Variants in DAB1 observed in about 807,000 individuals in gnomAD.
DAB1 encodes disabled homolog 1.
A neutral mutation model predicts 64.6 loss-of-function variants in DAB1; 15 were observed. The ratio of observed to expected loss-of-function variants is 0.23; its 90% CI spans 0.16 to 0.36. The LOEUF (loss-of-function observed/expected upper bound fraction) is 0.36, where lower values mean the gene tolerates loss of function less well. DAB1 is among the 10% of genes least tolerant of loss of function. DAB1 has a pLI of 1.00. For synonymous variants in DAB1, 235 were observed against 251.9 expected, an observed-to-expected ratio of 0.93 and a Z score of 0.64; for missense variants, 596 against 706.7, an observed-to-expected ratio of 0.84 and a Z score of 1.78.
chr1:57,982,544 C>A (rs1235782217), intron 5 of DAB1, among the ~76,000 whole-genome samples: 1 of 152,118 alleles, frequency 6.6e-6, no homozygotes, highest in Admixed American at 6.5e-5. Context: ...TATTACTTAG[C>A]AAGCCCAATG....
intron 5 of DAB1, among the ~76,000 whole-genome samples, chr1:58,121,084 T>C (rs1195731102): frequency 1.3e-5 from 2 of 152,210 alleles, no homozygotes; most frequent in Admixed American, 6.5e-5. Flanking sequence ...CTCCATTTAT[T>C]TGACTTGACA....
At chr1:58,381,501 A>G (rs1482474614) in intron 3 of DAB1, among the ~76,000 whole-genome samples, 1 of 152,208 alleles carries the variant, frequency 6.6e-6, no homozygotes, top group Admixed American at 6.5e-5. Flanking sequence ...AGTAGCAAGA[A>G]TGAAAGTCAA....
chr1:57,078,763 G>A (rs1652216224), intron 4 of DAB1, among the ~76,000 whole-genome samples: 1 of 152,162 alleles, frequency 6.6e-6, no homozygotes, highest in South Asian at 2.1e-4. Context: ...AACTTCTCTG[G>A]AAGGCTGCTT....
intron 4 of DAB1, among the ~76,000 whole-genome samples, chr1:58,161,138 G>C (rs1403813696): frequency 6.6e-6 from 1 of 152,196 alleles, no homozygotes; most frequent in African/African-American, 2.4e-5. Flanking sequence ...CACACAAGGA[G>C]TCTCAAAGAA....
chr1:57,480,117 ACTCCAGCCT>A (rs1461153452), intron 7 of DAB1, among the ~76,000 whole-genome samples: 1 of 147,456 alleles, frequency 6.8e-6, no homozygotes, highest in South Asian at 2.2e-4. Flanking sequence ...GCGCCACTGC[ACTCCAGCCT>A]GGGCGACAGA....
intron 9 of DAB1, among the ~76,000 whole-genome samples, chr1:57,047,125 T>C (rs923082244): frequency 1.3e-5 from 2 of 152,242 alleles, no homozygotes; most frequent in African/African-American, 4.8e-5. Context: ...TTCTTAGTTA[T>C]GCCTCTTCTA....
intron 5 of DAB1, among the ~76,000 whole-genome samples, chr1:58,036,946 A>G (rs1252428582): frequency 6.6e-6 from 1 of 152,180 alleles, no homozygotes; most frequent in Non-Finnish European, 1.5e-5. Flanking sequence ...GGGATCAATC[A>G]TTAGTTGACT....
intron 4 of DAB1, among the ~76,000 whole-genome samples, chr1:58,265,635 T>A (rs912503): frequency 0.66 from 99,743 of 152,152 alleles, 33,925 homozygotes; most frequent in East Asian, 0.87. Flanking sequence ...AATCTGTGAA[T>A]TTTCTACTTT....
intron 3 of DAB1, among the ~76,000 whole-genome samples, chr1:58,466,202 G>C (rs1427952740): frequency 6.6e-5 from 10 of 152,144 alleles, no homozygotes; most frequent in Non-Finnish European, 1.5e-5. Flanking sequence ...TCCTCTCGTG[G>C]GCAACCTTGG....
chr1:57,471,819 A>C (rs1687147234), intron 7 of DAB1, among the ~76,000 whole-genome samples: 1 of 152,168 alleles, frequency 6.6e-6, no homozygotes, highest in African/African-American at 2.4e-5. Flanking sequence ...CACCTCCAAA[A>C]TTGTCATATA....
intron 7 of DAB1, among the ~76,000 whole-genome samples, chr1:57,473,567 G>A (rs575014030): frequency 2.0e-5 from 3 of 152,276 alleles, no homozygotes; most frequent in African/African-American, 7.2e-5. Flanking sequence ...AGGCAGACTC[G>A]TGAAGACTAA....
At chr1:58,197,063 T>C (rs1355210603) in intron 4 of DAB1, among the ~76,000 whole-genome samples, 4 of 152,202 alleles carry the variant, frequency 2.6e-5, no homozygotes, top group Non-Finnish European at 4.4e-5. Context: ...CTCCATTTCT[T>C]ATCTTCTAGC....
chr1:57,556,598 A>G (rs1644991819), intron 7 of DAB1, among the ~76,000 whole-genome samples: 1 of 152,136 alleles, frequency 6.6e-6, no homozygotes, highest in South Asian at 2.1e-4. Context: ...TTGTCTATTC[A>G]CATCCTTAGC....
intron 2 of DAB1, among the ~76,000 whole-genome samples, chr1:57,156,165 C>T (rs1265092088): frequency 6.6e-6 from 1 of 151,348 alleles, no homozygotes; most frequent in Non-Finnish European, 1.5e-5. Context: ...CCCTCTAATC[C>T]ATGCCCCACA....
At chr1:57,377,636 T>C (rs1681016440) in intron 1 of DAB1, among the ~76,000 whole-genome samples, 1 of 152,186 alleles carries the variant, frequency 6.6e-6, no homozygotes, top group Non-Finnish European at 1.5e-5. Context: ...TCCCTCTTAC[T>C]ACCTGAAAGG....
chr1:57,758,751 GT>G (rs975514187), intron 6 of DAB1, among the ~76,000 whole-genome samples: 138 of 147,976 alleles, frequency 9.3e-4, no homozygotes, highest in African/African-American at 3.2e-3. Context: ...AAATAGTTTT[GT>G]TTTTTTTTTA....
intron 6 of DAB1, among the ~76,000 whole-genome samples, chr1:57,724,330 G>A (rs1476610762): frequency 7.7e-6 from 1 of 129,898 alleles, no homozygotes; most frequent in Non-Finnish European, 1.6e-5. Flanking sequence ...AAGGAAGGAA[G>A]GAAGAGAGGG....
chr1:58,259,864 A>G (rs570814122), intron 4 of DAB1, among the ~76,000 whole-genome samples: 70 of 152,346 alleles, frequency 4.6e-4, no homozygotes, highest in Non-Finnish European at 8.4e-4. Context: ...TAATAAAGTA[A>G]TGATGATAGA....
intron 2 of DAB1, among the ~76,000 whole-genome samples, chr1:57,229,947 G>C (rs115421941): frequency 0.015 from 2,237 of 152,266 alleles, 42 homozygotes; most frequent in African/African-American, 0.051. Context: ...GCAAGATACT[G>C]GCTACTGTTG....
Sources: allele counts gnomAD v4.1 joint callset (sites outside exome capture counted in the v4.1 genomes callset), GRCh38; gene constraint gnomAD v4.1.1; transcripts MANE v1.5; gene names NCBI Gene and HGNC (gene_info 2026-07-23, HGNC 2026-07-21).